Variants in NCOR2 observed in about 807,000 individuals in gnomAD.
NCOR2 encodes the protein nuclear receptor corepressor 2.
NCOR2 carries 81 observed loss-of-function variants against 262.9 expected under a neutral mutation model. That is an observed-to-expected ratio of 0.31 (90% CI 0.26 to 0.37). NCOR2 has a LOEUF of 0.37. Ranked by LOEUF, NCOR2 falls within the 10% of genes least tolerant of loss-of-function variation. The pLI, the probability that NCOR2 is intolerant of heterozygous loss-of-function variation, is 1.00. For synonymous variants in NCOR2, 1,659 were observed against 1,559.3 expected (o/e 1.06, Z -1.51); for missense variants, 3,385 against 3,621.4 (o/e 0.93, Z 1.68).
chr12:124,372,411 A>T (rs1303674663), exon 20 of NCOR2: 52 of 1,143,818 alleles, frequency 4.5e-5, no homozygotes, highest in Admixed American at 7.4e-5. Flanking sequence ...GTGGGGGCGT[A>T]GGGGCTCCGG....
At chr12:124,490,092 G>C (rs550615955) in intron 1 of NCOR2, among the ~76,000 whole-genome samples, 1 of 152,290 alleles carries the variant, frequency 6.6e-6, no homozygotes, top group South Asian at 2.1e-4. Context: ...ACAGTCAAGA[G>C]AGCTCCCACC....
At chr12:124,467,626 TTCA>T (rs761454391) in intron 4 of NCOR2, among the ~76,000 whole-genome samples, 15 of 79,700 alleles carry the variant, frequency 1.9e-4, no homozygotes, top group Non-Finnish European at 3.5e-4. Context: ...CCCCCTCATC[TTCA>T]TCATCTTCAC....
intron 43 of NCOR2, chr12:124,331,409 G>GT (rs2035185212): frequency 6.3e-6 from 1 of 158,740 alleles, no homozygotes; most frequent in Admixed American, 6.2e-5. Flanking sequence ...TGATGCTACG[G>GT]TTCCCTGGAC....
chr12:124,333,901 C>CATGTGTGTGTGT lies in NCOR2; in HGVS notation c.6605+522_6605+523insACACACACACAT, dbSNP rs1555299264. On this transcript the variant is annotated intron_variant, in intron 41 of 46. Coordinates refer to ENST00000405201, the Ensembl canonical transcript of NCOR2. ...GCGGGTGTGCATGTGTGTGTGCGCG[C>CATGTGTGTGTGT]GCATGTGTGCGGGTGTGCATGTGTG... is the stretch of plus-strand genomic sequence containing the variant. 7.6e-3 allele frequency among the ~76,000 whole-genome samples: 1,064 copies of CATGTGTGTGTGT among 140,446 alleles called. 19 individuals carry two copies. Among genetic ancestry groups the CATGTGTGTGTGT allele is most frequent in the African/African-American group, 0.026 (967 of 37,000 alleles). The allele number at this position is 140,446 out of a possible 152,430, so 92.1% of individuals were successfully genotyped here. A position where few individuals can be genotyped will look rare whatever the true frequency, so the allele number is the denominator to read the frequency against.
chr12:124,414,975 G>A (rs1433883473), intron 13 of NCOR2, among the ~76,000 whole-genome samples: 2 of 152,168 alleles, frequency 1.3e-5, no homozygotes, highest in African/African-American at 4.8e-5. Flanking sequence ...TGCCAGGATA[G>A]GTCAGAAAGA....
In NCOR2 at chr12:124,416,875, C is replaced by T. The variant is rs372043865; in HGVS notation, c.1482+3082G>A. Among the ~76,000 whole-genome samples the T allele has an allele frequency of 5.3e-5, 8 of 151,724 alleles. No homozygotes were observed. In the East Asian group the frequency reaches 7.8e-4, roughly 15 times the overall value. ...GGAGACCCCGTGGCACAGATAGACC[C>T]GCCGCACAGGGAGACCCGCGGCACT... is the stretch of plus-strand genomic sequence containing the variant. On this transcript the variant is annotated intron_variant, in intron 13 of 46. Transcript: ENST00000405201.
At chr12:124,396,608 C>T (rs573605062) in intron 16 of NCOR2, among the ~76,000 whole-genome samples, 6 of 152,300 alleles carry the variant, frequency 3.9e-5, no homozygotes, top group South Asian at 2.1e-4. Context: ...TGACCTGCAG[C>T]GGCAGGCAGG....
In NCOR2 at chr12:124,486,426, C is replaced by G; in HGVS notation, c.233+15G>C. The G allele has an allele frequency of 6.2e-7, 1 of 1,612,090 alleles. No homozygotes were observed. The highest frequency in any genetic ancestry group is 8.5e-7 in the Non-Finnish European group (1 of 1,179,398). On this transcript the variant is annotated intron_variant, in intron 2 of 46. Transcript: ENST00000405201. ...TCTCACGCCCTGGACAGGGAGGCAGCAACTCTCTCCTCACCGTTCATTCCC... is the reference window on the plus strand; with the variant it reads ...TCTCACGCCCTGGACAGGGAGGCAGGAACTCTCTCCTCACCGTTCATTCCC...
At chr12:124,401,282 A>C (rs1427140023) in intron 14 of NCOR2, among the ~76,000 whole-genome samples, 1 of 152,024 alleles carries the variant, frequency 6.6e-6, no homozygotes, top group Non-Finnish European at 1.5e-5. Context: ...CAATAAGGCC[A>C]TGTGGACAGG....
intron 1 of NCOR2, among the ~76,000 whole-genome samples, chr12:124,551,984 A>AC (rs2051728325): frequency 6.6e-6 from 1 of 152,080 alleles, no homozygotes; most frequent in African/African-American, 2.4e-5. Flanking sequence ...AACCATTGGG[A>AC]CCAGGTACTC....
intron 1 of NCOR2, among the ~76,000 whole-genome samples, chr12:124,553,907 G>A (rs1196659361): frequency 2.0e-5 from 3 of 152,152 alleles, no homozygotes; most frequent in Admixed American, 6.5e-5. Context: ...CCCCCACTCC[G>A]CAGCTGGTGT....
chr12:124,355,829 C>T (rs1173338440), intron 23 of NCOR2, among the ~76,000 whole-genome samples: 1 of 152,184 alleles, frequency 6.6e-6, no homozygotes, highest in Non-Finnish European at 1.5e-5. Context: ...TCATCTGGAT[C>T]CCCTGTCTCC....
chr12:124,417,583 G>A (rs763096631), intron 13 of NCOR2, among the ~76,000 whole-genome samples: 1 of 152,106 alleles, frequency 6.6e-6, no homozygotes, highest in Non-Finnish European at 1.5e-5. Flanking sequence ...GCATACAGTA[G>A]GGGCCCAACA....
chr12:124,333,981 C>A (rs12830739), intron 41 of NCOR2, among the ~76,000 whole-genome samples: 1 of 148,292 alleles, frequency 6.7e-6, no homozygotes, highest in African/African-American at 2.5e-5. Context: ...CGCATGTGTG[C>A]GGGTGTGCAT....
chr12:124,505,513 T>A (rs2048996077), intron 1 of NCOR2, among the ~76,000 whole-genome samples: 1 of 152,216 alleles, frequency 6.6e-6, no homozygotes, highest in South Asian at 2.1e-4. Context: ...AACGAGCCAG[T>A]GCCCTCTCAA....
chr12:124,357,922 C>T lies in NCOR2; in HGVS notation c.3101-1140G>A, dbSNP rs867021269. 4.3e-4 allele frequency among the ~76,000 whole-genome samples: 62 copies of T among 144,340 alleles called. 2 individuals are homozygous for T. In the Middle Eastern group the frequency reaches 0.018, roughly 42 times the overall value. The allele number at this position is 144,340 out of a possible 152,430, so 94.7% of individuals were successfully genotyped here. The stretch of plus-strand genomic sequence containing the variant: ...TGTGATATGTGTGTGTGCGTGCGCA[C>T]GTGCGTGCATGTGTGTGTGAGTGCA... On this transcript the variant is annotated intron_variant, in intron 22 of 46. Transcript: ENST00000405201.
At chr12:124,508,895 G>T (rs1203939371) in intron 1 of NCOR2, among the ~76,000 whole-genome samples, 1 of 152,176 alleles carries the variant, frequency 6.6e-6, no homozygotes, top group Non-Finnish European at 1.5e-5. Context: ...CTGATGGGGG[G>T]ACAGGAGGTG....
intron 18 of NCOR2, among the ~76,000 whole-genome samples, chr12:124,377,176 C>T (rs963668578): frequency 6.6e-6 from 1 of 152,232 alleles, no homozygotes; most frequent in Non-Finnish European, 1.5e-5. Context: ...ACACACAGCT[C>T]ATGTGGTCAC....
upstream of NCOR2, among the ~76,000 whole-genome samples, chr12:124,499,241 A>G (rs2048549862): frequency 6.6e-6 from 1 of 152,338 alleles, no homozygotes; most frequent in African/African-American, 2.4e-5. Flanking sequence ...GGTTCTGAGG[A>G]TGGATCCGGG....
Sources: gnomAD v4.1 joint callset for allele counts (sites outside exome capture counted in the v4.1 genomes callset) on GRCh38, gnomAD v4.1.1 for gene constraint, MANE v1.5 for transcripts, NCBI Gene and HGNC (gene_info 2026-07-23, HGNC 2026-07-21) for gene names.